NEDD4: variants seen among roughly 807,000 people sequenced by gnomAD.
NEDD4 encodes the protein E3 ubiquitin-protein ligase NEDD4.
NEDD4 carries 99 observed loss-of-function variants against 144.9 expected under a neutral mutation model. The observed-to-expected ratio is 0.68, with a 90% CI of 0.58 to 0.81. The LOEUF (loss-of-function observed/expected upper bound fraction) is 0.81, where lower values mean the gene tolerates loss of function less well. NEDD4 is among the 30% of genes least tolerant of loss of function. The pLI is 0.00. For missense variants in NEDD4, 985 were observed against 1,065.9 expected, an observed-to-expected ratio of 0.92 and a Z score of 1.06; for synonymous variants, 318 against 350.6, an observed-to-expected ratio of 0.91 and a Z score of 1.04.
chr15:55,860,865 C>A (rs1466471486), intron 9 of NEDD4, 87 bp from the exon 10 acceptor site: 5 of 1,158,620 alleles, frequency 4.3e-6, no homozygotes, highest in East Asian at 2.4e-5. Context: ...GGAAAAAAAT[C>A]TACATTACAT....
At chr15:55,938,475 G>T (rs1355033175) in intron 4 of NEDD4, among the ~76,000 whole-genome samples, 4 of 151,992 alleles carry the variant, frequency 2.6e-5, no homozygotes, top group African/African-American at 9.7e-5. Context: ...ATGAATTAAA[G>T]ACACAAACAA....
Position 55,930,675 on chromosome 15 carries a change from G to A in NEDD4, c.238-5976C>T, listed in dbSNP as rs139021051. On this transcript the variant is annotated intron_variant, in intron 4 of 28. Transcript: ENST00000435532. Reference sequence around the variant, plus strand: ...TTGTAATAATCCAAATGTGTCAACGGCAGGGCTAGGTGGAGATAATTGAAT... The same window carrying A: ...TTGTAATAATCCAAATGTGTCAACGACAGGGCTAGGTGGAGATAATTGAAT... Among the ~76,000 whole-genome samples, 1,420 of 152,284 alleles carry A rather than the reference G, an allele frequency of 9.3e-3. 10 individuals carry two copies. The highest frequency in any genetic ancestry group is 0.014 in the Non-Finnish European group (970 of 68,022).
At chr15:55,873,880 T>C (rs2034895631) in intron 6 of NEDD4, 78 bp downstream of exon 6, 3 of 588,184 alleles carry the variant, frequency 5.1e-6, no homozygotes, top group Non-Finnish European at 8.6e-6. Context: ...TTATTTACAG[T>C]AGCTATATTA....
intron 4 of NEDD4, among the ~76,000 whole-genome samples, chr15:55,942,115 T>C (rs1164200997): frequency 6.6e-6 from 1 of 152,178 alleles, no homozygotes; most frequent in Admixed American, 6.5e-5. Context: ...TAAAATCAAC[T>C]ATTGTGGATT....
rs2032723709 is a variant in NEDD4 at position 55,826,959 on chromosome 15, G to T, written c.*2938C>A. 2.0e-5 allele frequency: 3 copies of T among 152,042 alleles called. No individual in the cohort carries two copies. Among genetic ancestry groups the T allele is most frequent in the Admixed American group, 6.6e-5 (1 of 15,254 alleles). The allele number at this position is 152,042 out of a possible 1,614,324, so 9.4% of individuals were successfully genotyped here. Reference sequence around the variant, plus strand: ...AAATCAGAATAGAACTTTATTTGTGGATTCAAGATTTTAAAAAATGATTTT... The same window carrying T: ...AAATCAGAATAGAACTTTATTTGTGTATTCAAGATTTTAAAAAATGATTTT... On this transcript the variant is annotated 3_prime_UTR_variant, in exon 29 of 29. Coordinates refer to ENST00000435532, the MANE Select transcript of NEDD4 (RefSeq NM_006154.4).
At chr15:55,873,883 C>A in intron 6 of NEDD4, 75 bp downstream of exon 6, 1 of 608,634 alleles carries the variant, frequency 1.6e-6, no homozygotes, top group Non-Finnish European at 2.8e-6. Flanking sequence ...TTTACAGTAG[C>A]TATATTATAT....
At chr15:55,874,578 G>A (rs1397160849) in intron 5 of NEDD4, among the ~76,000 whole-genome samples, 2 of 152,192 alleles carry the variant, frequency 1.3e-5, no homozygotes, top group African/African-American at 2.4e-5. Context: ...CTGAACAAGT[G>A]AAAATCAACA....
At chr15:55,846,112 T>A (rs1468859673) in intron 18 of NEDD4, among the ~76,000 whole-genome samples, 1 of 152,094 alleles carries the variant, frequency 6.6e-6, no homozygotes, top group Non-Finnish European at 1.5e-5. Context: ...AAAAATGAGT[T>A]TAGAAAGTTT....
At chr15:55,924,201 G>A (rs2036620952) in intron 5 of NEDD4, among the ~76,000 whole-genome samples, 1 of 152,152 alleles carries the variant, frequency 6.6e-6, no homozygotes, top group African/African-American at 2.4e-5. Flanking sequence ...GATTTCCTCT[G>A]TAGAAGAGTG....
chr15:55,916,626 T>C (rs1325850419), intron 5 of NEDD4: 5 of 1,614,060 alleles, frequency 3.1e-6, no homozygotes, highest in South Asian at 1.1e-5. Flanking sequence ...TGATCTTTCT[T>C]GAGACTGAAC....
intron 12 of NEDD4, among the ~76,000 whole-genome samples, chr15:55,854,534 C>T (rs67387007): frequency 0.14 from 21,870 of 152,018 alleles, 1,730 homozygotes; most frequent in East Asian, 0.36. Flanking sequence ...CCACACCCTA[C>T]GAGTCCCTTT....
At chr15:55,840,002 ATATATATATATATATATAT>A (rs2033421357) in intron 21 of NEDD4, among the ~76,000 whole-genome samples, 7 of 20,798 alleles carry the variant, frequency 3.4e-4, no homozygotes, top group African/African-American at 9.9e-4. Flanking sequence ...AAAAAAAAAT[ATATATATATATATATATAT>A]ATATATATAT....
chr15:55,884,470 C>T (rs1197589401), intron 5 of NEDD4, among the ~76,000 whole-genome samples: 2 of 152,012 alleles, frequency 1.3e-5, no homozygotes, highest in African/African-American at 2.4e-5. Flanking sequence ...AGGGACCTAT[C>T]CCAGAAACAG....
chr15:55,846,121 TTA>T (rs2033731405), intron 18 of NEDD4, among the ~76,000 whole-genome samples: 3 of 152,120 alleles, frequency 2.0e-5, no homozygotes, highest in Non-Finnish European at 4.4e-5. Context: ...TTTAGAAAGT[TTA>T]TGATATTTAA....
Position 55,828,189 on chromosome 15 carries a change from C to T in NEDD4, c.*1708G>A, listed in dbSNP as rs1279655874. On this transcript the variant is annotated 3_prime_UTR_variant, in exon 29 of 29. Transcript: ENST00000435532. Reference sequence around the variant, plus strand: ...GTAGAAAGTGGTTTTGCTACTGTCACATTTCAGATTTCTATCAGGTGCTAA... The same window carrying T: ...GTAGAAAGTGGTTTTGCTACTGTCATATTTCAGATTTCTATCAGGTGCTAA... 6.6e-6 allele frequency: 1 copy of T among 152,158 alleles called. No individual in the cohort carries two copies. Among genetic ancestry groups the T allele is most frequent in the Non-Finnish European group, 1.5e-5 (1 of 68,040 alleles). The allele number at this position is 152,158 out of a possible 1,614,324, so 9.4% of individuals were successfully genotyped here.
intron 8 of NEDD4, 60 bp downstream of exon 8, chr15:55,869,519 G>A: frequency 4.3e-6 from 4 of 928,208 alleles, no homozygotes; most frequent in Non-Finnish European, 6.6e-6. Context: ...GTTCTTCAGA[G>A]TACAGTAAAA....
chr15:55,984,283 G>C (rs2037854592), intron 1 of NEDD4, among the ~76,000 whole-genome samples: 1 of 152,236 alleles, frequency 6.6e-6, no homozygotes, highest in African/African-American at 2.4e-5. Context: ...TAGCAGGAAA[G>C]TGGAAGGACC....
intron 1 of NEDD4, among the ~76,000 whole-genome samples, chr15:55,993,104 A>G (rs2038014033): frequency 6.6e-6 from 1 of 152,218 alleles, no homozygotes; most frequent in Non-Finnish European, 1.5e-5. Flanking sequence ...CCGCCAGAGC[A>G]AGCAAATCAA....
Position 55,871,452 on chromosome 15 carries a change from T to C in NEDD4, c.404+963A>G, listed in dbSNP as rs546792611. ...AAAGATAAAGACGCTAGAAAGCATG[T>C]GACAAATTGAAAAGCAGGCTGCTAG... On this transcript the variant is annotated intron_variant, in intron 7 of 28. Transcript: ENST00000435532. 3.9e-5 allele frequency among the ~76,000 whole-genome samples: 6 copies of C among 152,304 alleles called. No individual in the cohort carries two copies. The East Asian group carries it at 9.6e-4, about 24-fold the overall frequency.
Sources: gnomAD v4.1 joint callset for allele counts (sites outside exome capture counted in the v4.1 genomes callset) on GRCh38, gnomAD v4.1.1 for gene constraint, MANE v1.5 for transcripts, NCBI Gene and HGNC (gene_info 2026-07-23, HGNC 2026-07-21) for gene names.